Variants in SOBP observed in about 807,000 individuals in gnomAD.
SOBP encodes the protein sine oculis binding protein homolog.
A neutral mutation model predicts 53.6 loss-of-function variants in SOBP; 4 were observed. The observed-to-expected ratio is 0.07, with a 90% CI of 0.04 to 0.17. The LOEUF is 0.17. Among genes scored for constraint, SOBP ranks in the 10% least tolerant of loss-of-function variants. The pLI is 1.00. For missense variants in SOBP, 1,088 were observed against 1,204.7 expected, an observed-to-expected ratio of 0.90 and a Z score of 1.43; for synonymous variants, 584 against 522.6, an observed-to-expected ratio of 1.12 and a Z score of -1.60.
rs181465064 is a variant in SOBP, at chr6:107,596,719, T to C, written c.669+9544T>C. On this transcript the variant is annotated intron_variant, in intron 5 of 6. Coordinates refer to ENST00000317357, the MANE Select transcript of SOBP (RefSeq NM_018013.4). ...TATTTCTCTTGTAAATTCATGGAGA[T>C]ACATAGGTAGATGAGCAATAATCTC... Among the ~76,000 whole-genome samples, 141 of 152,320 alleles carry C rather than the reference T, an allele frequency of 9.3e-4. 2 individuals are homozygous for C. Among genetic ancestry groups the C allele is most frequent in the Non-Finnish European group, 1.6e-3 (109 of 68,024 alleles).
chr6:107,537,837 A>G (rs1339388129), intron 4 of SOBP, among the ~76,000 whole-genome samples: 1 of 151,406 alleles, frequency 6.6e-6, no homozygotes, highest in African/African-American at 2.4e-5. Flanking sequence ...AAAAAAAAAA[A>G]GATCGAAATA....
At chr6:107,500,870 A>G (rs12664555) in intron 1 of SOBP, among the ~76,000 whole-genome samples, 8,190 of 152,240 alleles carry the variant, frequency 0.054, 392 homozygotes, top group South Asian at 0.15. Context: ...TGGCTTCTTC[A>G]TACAATAGTG....
At chr6:107,617,306 G>A (rs1255379809) in intron 5 of SOBP, among the ~76,000 whole-genome samples, 1 of 152,126 alleles carries the variant, frequency 6.6e-6, no homozygotes, top group African/African-American at 2.4e-5. Context: ...TAAAACTCTC[G>A]AGATAAGATT....
At chr6:107,536,043 A>G (rs1783988833) in intron 4 of SOBP, among the ~76,000 whole-genome samples, 1 of 152,124 alleles carries the variant, frequency 6.6e-6, no homozygotes, top group African/African-American at 2.4e-5. Flanking sequence ...TTTTCTGGCT[A>G]AATTCTACCT....
chr6:107,634,191 C>A lies in SOBP; in HGVS notation c.1347C>A (p.Ser449Arg). Reference sequence around the variant, plus strand: ...CCAGAAACCTGGGCCCCACTTCCAGCCCCATGCACCGGCCCATGCTATCGC... The same window carrying A: ...CCAGAAACCTGGGCCCCACTTCCAGACCCATGCACCGGCCCATGCTATCGC... ...GGPRNLGPTS[S>R]PMHRPMLSPH... The change falls in exon 6 of 7, where the codon AGC (serine) becomes AGA (arginine). Residue 449 changes from serine (S) to arginine (R), a missense_variant. Ser to Arg is a moderately radical substitution (Grantham distance 110, BLOSUM62 -1). Around this residue, in one of 6 missense-constraint regions of SOBP, gnomAD observed 665 missense variants for 629.7 expected, o/e 1.06. Transcript: ENST00000317357. The surrounding 1 kb of genome is among the most constrained non-coding windows in gnomAD (Gnocchi z 4.5). 1 of 1,606,214 alleles carries A rather than the reference C, an allele frequency of 6.2e-7. No individual in the cohort carries two copies. The highest frequency in any genetic ancestry group is 8.5e-7 in the Non-Finnish European group (1 of 1,178,064).
Position 107,546,671 on chromosome 6 carries a change from A to G in SOBP, c.573+13061A>G, listed in dbSNP as rs912564795. Among the ~76,000 whole-genome samples the G allele has an allele frequency of 2.0e-5, 3 of 152,254 alleles. No individual in the cohort carries two copies. In the East Asian group the frequency reaches 5.8e-4, roughly 29 times the overall value. ...CTCTAAGGAATGACAGAACAGTACA[A>G]AGTTTGCAGGGTCACTATTTGAGGA... On this transcript the variant is annotated intron_variant, in intron 4 of 6. Transcript: ENST00000317357.
Position 107,627,868 on chromosome 6 carries a change from G to C in SOBP, c.670-5646G>C, listed in dbSNP as rs1442202171. ...TTTTTCCTTCCTTCACTCAAATCCA[G>C]CTCTGCAAGAAAAACTTGGAATGGT... On this transcript the variant is annotated intron_variant, in intron 5 of 6. Coordinates refer to ENST00000317357, the MANE Select transcript of SOBP (RefSeq NM_018013.4). 2.6e-5 allele frequency among the ~76,000 whole-genome samples: 4 copies of C among 152,196 alleles called. No homozygotes were observed. The East Asian group carries it at 7.7e-4, about 29-fold the overall frequency.
intron 1 of SOBP, among the ~76,000 whole-genome samples, chr6:107,494,371 A>G (rs1159983811): frequency 1.3e-5 from 2 of 152,236 alleles, no homozygotes; most frequent in Non-Finnish European, 2.9e-5. Context: ...AGTAGATATA[A>G]TATAAAAACT....
intron 4 of SOBP, among the ~76,000 whole-genome samples, chr6:107,545,457 G>T (rs924092173): frequency 1.8e-4 from 27 of 152,116 alleles, no homozygotes; most frequent in African/African-American, 6.5e-4. Flanking sequence ...TGGTGTGGCG[G>T]GAAGGAAGGG....
At chr6:107,537,553 G>T (rs1034991672) in intron 4 of SOBP, among the ~76,000 whole-genome samples, 3 of 152,220 alleles carry the variant, frequency 2.0e-5, no homozygotes, top group African/African-American at 7.2e-5. Flanking sequence ...GGGCGCCATG[G>T]CTCATGCCTG....
intron 3 of SOBP, among the ~76,000 whole-genome samples, chr6:107,510,203 G>A (rs73514997): frequency 3.9e-5 from 6 of 152,300 alleles, no homozygotes; most frequent in African/African-American, 1.4e-4. Context: ...AAATAGGTGT[G>A]GCTGTGTTCC....
chr6:107,496,379 G>A (rs547920490), intron 1 of SOBP, among the ~76,000 whole-genome samples: 1 of 152,280 alleles, frequency 6.6e-6, no homozygotes, highest in African/African-American at 2.4e-5. Context: ...AAAATGTGGG[G>A]ACATGATTGT....
intron 3 of SOBP, among the ~76,000 whole-genome samples, chr6:107,532,241 T>TCACA (rs10525191): frequency 0.013 from 1,883 of 139,716 alleles, 34 homozygotes; most frequent in African/African-American, 0.041. Context: ...TCTCTCTCTC[T>TCACA]CACACACACA....
chr6:107,516,115 C>T lies in SOBP; in HGVS notation c.421+9688C>T, dbSNP rs142164898. ...ACAGAACACTCCACAGCCAATATTACGTAATAGTGAAGTATTGAAAACTTT... is the reference window on the plus strand; with the variant it reads ...ACAGAACACTCCACAGCCAATATTATGTAATAGTGAAGTATTGAAAACTTT... On this transcript the variant is annotated intron_variant, in intron 3 of 6. Coordinates refer to ENST00000317357, the MANE Select transcript of SOBP (RefSeq NM_018013.4). Among the ~76,000 whole-genome samples the T allele has an allele frequency of 3.2e-3, 487 of 152,160 alleles. 3 individuals carry two copies. The highest frequency in any genetic ancestry group is 0.011 in the African/African-American group (463 of 41,492).
At chr6:107,554,226 G>A (rs1226261421) in intron 4 of SOBP, among the ~76,000 whole-genome samples, 2 of 152,230 alleles carry the variant, frequency 1.3e-5, no homozygotes, top group African/African-American at 4.8e-5. Flanking sequence ...CTTCCAGGAT[G>A]TAGGCCTTGA....
At chr6:107,503,262 C>A (rs1226291831) in intron 1 of SOBP, among the ~76,000 whole-genome samples, 2 of 152,118 alleles carry the variant, frequency 1.3e-5, no homozygotes, top group East Asian at 3.8e-4. Context: ...TGATCTGAAC[C>A]ACAAAAGGTT....
Position 107,656,313 on chromosome 6 carries a change from A to AAGACAGAC in SOBP, c.*4-1891_*4-1890insCAGACAGA, listed in dbSNP as rs879769368. ...AAAGAAAGAAAGAAAGAAAGAAAGAAAGAAAGAAAGAAAGAAAGAAAGAAA... is the reference window on the plus strand; with the variant it reads ...AAAGAAAGAAAGAAAGAAAGAAAGAAAGACAGACAGAAAGAAAGAAAGAAAGAAAGAAA... On this transcript the variant is annotated intron_variant, in intron 6 of 6. Coordinates refer to ENST00000317357, the MANE Select transcript of SOBP (RefSeq NM_018013.4). 8.4e-3 allele frequency among the ~76,000 whole-genome samples: 368 copies of AAGACAGAC among 44,042 alleles called. 3 individuals carry two copies. The highest frequency in any genetic ancestry group is 0.013 in the Non-Finnish European group (200 of 15,742). The allele number at this position is 44,042 out of a possible 152,430, so 28.9% of individuals were successfully genotyped here.
chr6:107,645,080 C>T (rs9384659), intron 6 of SOBP, among the ~76,000 whole-genome samples: 1 of 151,916 alleles, frequency 6.6e-6, no homozygotes, highest in African/African-American at 2.4e-5. Flanking sequence ...TCAGGGTTCT[C>T]ATCCTGATTT....
intron 4 of SOBP, among the ~76,000 whole-genome samples, chr6:107,584,132 C>A (rs77402067): frequency 6.6e-6 from 1 of 151,950 alleles, no homozygotes; most frequent in African/African-American, 2.4e-5. Flanking sequence ...CTCCTTAGAT[C>A]GGCAGTTCTC....
Sources: allele counts gnomAD v4.1 joint callset (sites outside exome capture counted in the v4.1 genomes callset), GRCh38; gene constraint gnomAD v4.1.1; regional missense constraint gnomAD v4.1.1; non-coding constraint Gnocchi (gnomAD v3.1); transcripts MANE v1.5; gene names NCBI Gene and HGNC (gene_info 2026-07-23, HGNC 2026-07-21).